SOX5: variants seen among roughly 807,000 people sequenced by gnomAD.
SOX5 encodes SRY-box transcription factor 5.
In SOX5, 9 loss-of-function variants were observed where a neutral mutation model predicts 92.0. The observed-to-expected ratio is 0.10, with a 90% CI of 0.06 to 0.17. SOX5 has a LOEUF of 0.17. Ranked by LOEUF, SOX5 falls within the 10% of genes least tolerant of loss-of-function variation. The pLI, the probability that SOX5 is intolerant of heterozygous loss-of-function variation, is 1.00. For synonymous variants in SOX5, 344 were observed against 336.3 expected (o/e 1.02, Z -0.25); for missense variants, 642 against 944.5 (o/e 0.68, Z 4.20).
intron 4 of SOX5, among the ~76,000 whole-genome samples, chr12:24,095,124 C>CAGAGAGAGAG (rs1295495095): frequency 1.2e-3 from 124 of 105,078 alleles, no homozygotes; most frequent in East Asian, 9.9e-3. Flanking sequence ...CACACACACA[C>CAGAGAGAGAG]ACACAGAGAG....
chr12:24,025,100 A>G (rs1423097485), intron 4 of SOX5, among the ~76,000 whole-genome samples: 1 of 152,110 alleles, frequency 6.6e-6, no homozygotes, highest in African/African-American at 2.4e-5. Flanking sequence ...AAATACTTCA[A>G]AACTGACGAT....
intron 3 of SOX5, among the ~76,000 whole-genome samples, chr12:23,797,894 C>T (rs2095593622): frequency 6.6e-6 from 1 of 151,950 alleles, no homozygotes. Flanking sequence ...TACTGGCCTC[C>T]TTGCTGTGCT....
chr12:24,523,749 G>A (rs769555757), intron 1 of SOX5, among the ~76,000 whole-genome samples: 2 of 152,100 alleles, frequency 1.3e-5, no homozygotes, highest in Non-Finnish European at 2.9e-5. Context: ...AACTCAAAAT[G>A]GCATGCAAAC....
At chr12:23,551,942 C>G (rs1405229943) in intron 11 of SOX5, among the ~76,000 whole-genome samples, 1 of 151,842 alleles carries the variant, frequency 6.6e-6, no homozygotes, top group East Asian at 1.9e-4. Flanking sequence ...ATCAGGCAAT[C>G]TGATCAAGTG....
In SOX5 at chr12:24,003,632, C is replaced by T. The variant is rs114344263; in HGVS notation, c.-1-107608G>A. Among the ~76,000 whole-genome samples the T allele has an allele frequency of 7.7e-3, 1,165 of 152,054 alleles. 18 individuals carry two copies. Among genetic ancestry groups the T allele is most frequent in the African/African-American group, 0.026 (1,083 of 41,514 alleles). On this transcript the variant is annotated intron_variant, in intron 4 of 4. Transcript: ENST00000446891. ...ACTTGTATGCTGAAAACTACCAAAT[C>T]ACTGAGAGAAATTAAAGAACCAAAT...
chr12:24,246,328 G>T (rs1938704644), intron 3 of SOX5, among the ~76,000 whole-genome samples: 1 of 149,466 alleles, frequency 6.7e-6, no homozygotes. Context: ...ATTTTATGAT[G>T]GTTATATCAG....
At chr12:24,055,125 A>G (rs1957970678) in intron 4 of SOX5, among the ~76,000 whole-genome samples, 2 of 152,224 alleles carry the variant, frequency 1.3e-5, no homozygotes, top group South Asian at 4.1e-4. Flanking sequence ...TAACATAAAA[A>G]TGTACTCTTT....
At chr12:23,685,011 T>C (rs2087268294) in intron 6 of SOX5, among the ~76,000 whole-genome samples, 1 of 151,964 alleles carries the variant, frequency 6.6e-6, no homozygotes, top group African/African-American at 2.4e-5. Flanking sequence ...AAAATATGTA[T>C]TGAAATTATC....
chr12:24,372,768 T>C (rs1232986541), intron 1 of SOX5, among the ~76,000 whole-genome samples: 1 of 152,166 alleles, frequency 6.6e-6, no homozygotes, highest in South Asian at 2.1e-4. Context: ...CATTCCTATT[T>C]CTCCACATCC....
intron 4 of SOX5, among the ~76,000 whole-genome samples, chr12:24,205,337 G>C: frequency 6.6e-6 from 1 of 152,092 alleles, no homozygotes; most frequent in South Asian, 2.1e-4. Flanking sequence ...ATATAAATGA[G>C]CATTTCCTGA....
At chr12:24,212,385 T>C in intron 4 of SOX5, 6 of 533,082 alleles carry the variant, frequency 1.1e-5, no homozygotes, top group South Asian at 8.5e-5. Flanking sequence ...CAAAGACATT[T>C]ATCTCTCTGT....
At chr12:24,486,576 T>C (rs1365998388) in intron 1 of SOX5, among the ~76,000 whole-genome samples, 1 of 152,234 alleles carries the variant, frequency 6.6e-6, no homozygotes, top group Non-Finnish European at 1.5e-5. Context: ...CTTCTCGATC[T>C]TTCTCAAGCC....
chr12:23,844,232 G>C (rs1012141052), intron 3 of SOX5, among the ~76,000 whole-genome samples: 1 of 152,216 alleles, frequency 6.6e-6, no homozygotes, highest in African/African-American at 2.4e-5. Context: ...AGCAATGAGA[G>C]AGAGTATCCT....
intron 3 of SOX5, among the ~76,000 whole-genome samples, chr12:24,217,006 T>C (rs1959200984): frequency 6.6e-6 from 1 of 152,234 alleles, no homozygotes; most frequent in South Asian, 2.1e-4. Flanking sequence ...AGGAGGGTGT[T>C]GCAACCAACG....
chr12:24,438,564 A>C (rs542065205), intron 1 of SOX5, among the ~76,000 whole-genome samples: 1 of 152,198 alleles, frequency 6.6e-6, no homozygotes, highest in Non-Finnish European at 1.5e-5. Context: ...CATTAAGAGC[A>C]TTTGTGGTTC....
intron 8 of SOX5, among the ~76,000 whole-genome samples, chr12:23,629,988 A>G (rs1028617185): frequency 1.3e-5 from 2 of 152,028 alleles, no homozygotes; most frequent in African/African-American, 4.8e-5. Flanking sequence ...ATTTTGCTGT[A>G]GACAACATGT....
intron 3 of SOX5, among the ~76,000 whole-genome samples, chr12:23,759,131 T>C (rs887013492): frequency 4.0e-5 from 6 of 151,660 alleles, no homozygotes; most frequent in Non-Finnish European, 7.4e-5. Context: ...CTAACTCCCT[T>C]GGATAGATGA....
intron 6 of SOX5, among the ~76,000 whole-genome samples, chr12:23,693,799 TC>T (rs1387159663): frequency 3.9e-5 from 6 of 152,222 alleles, no homozygotes; most frequent in African/African-American, 1.4e-4. Context: ...TCTTTTATTT[TC>T]AATCATAAAA....
chr12:24,257,312 C>T (rs925732117), intron 3 of SOX5, among the ~76,000 whole-genome samples: 94 of 152,198 alleles, frequency 6.2e-4, no homozygotes, highest in African/African-American at 2.0e-3. Flanking sequence ...ATAATATCTT[C>T]CTACATTCAT....
Sources: gnomAD v4.1 joint callset for allele counts (sites outside exome capture counted in the v4.1 genomes callset) on GRCh38, gnomAD v4.1.1 for gene constraint, MANE v1.5 for transcripts, NCBI Gene and HGNC (gene_info 2026-07-23, HGNC 2026-07-21) for gene names.